The following HDAC4 variants were observed in gnomAD, a reference collection of about 807,000 sequenced individuals.
HDAC4 encodes histone deacetylase 4.
In HDAC4, 16 loss-of-function variants were observed where a neutral mutation model predicts 135.1. The observed-to-expected ratio is 0.12, with a 90% CI of 0.08 to 0.18. The LOEUF is 0.18. HDAC4 is among the 10% of genes least tolerant of loss of function. HDAC4 has a pLI of 1.00. For missense variants in HDAC4, 1,143 were observed against 1,511.8 expected, an observed-to-expected ratio of 0.76 and a Z score of 4.05; for synonymous variants, 685 against 653.4, an observed-to-expected ratio of 1.05 and a Z score of -0.74.
intron 2 of HDAC4, among the ~76,000 whole-genome samples, chr2:239,263,324 C>T (rs1268266081): frequency 2.8e-5 from 4 of 143,504 alleles, no homozygotes; most frequent in Admixed American, 6.8e-5. Context: ...TGAGGACCCC[C>T]GCCCATCCCA....
intron 1 of HDAC4, among the ~76,000 whole-genome samples, chr2:239,385,321 C>A (rs1292782433): frequency 6.6e-6 from 1 of 152,242 alleles, no homozygotes; most frequent in Non-Finnish European, 1.5e-5. Flanking sequence ...CTGCTCTCAG[C>A]AGGAGGAAGC....
chr2:239,172,960 C>T (rs1373021929), intron 5 of HDAC4, among the ~76,000 whole-genome samples: 3 of 151,742 alleles, frequency 2.0e-5, no homozygotes, highest in Admixed American at 6.6e-5. Context: ...TAAAGTGAGC[C>T]GGGGGGGAAA....
intron 3 of HDAC4, among the ~76,000 whole-genome samples, chr2:239,217,220 G>A (rs952433800): frequency 6.6e-6 from 1 of 152,096 alleles, no homozygotes; most frequent in Admixed American, 6.6e-5. Context: ...CGGCAGCATC[G>A]CTCCCGGAAG....
chr2:239,275,257 C>T (rs984333189), intron 2 of HDAC4, among the ~76,000 whole-genome samples: 6 of 152,254 alleles, frequency 3.9e-5, no homozygotes, highest in East Asian at 1.9e-4. Context: ...TGGCAAGCCG[C>T]CCCACGCTGG....
intron 3 of HDAC4, among the ~76,000 whole-genome samples, chr2:239,204,266 C>T (rs144519527): frequency 1.4e-3 from 220 of 152,336 alleles, no homozygotes; most frequent in Non-Finnish European, 2.4e-3. Context: ...GACAGCCGAC[C>T]ACAATGCTGA....
intron 2 of HDAC4, among the ~76,000 whole-genome samples, chr2:239,337,937 A>G (rs1692053147): frequency 6.6e-6 from 1 of 152,154 alleles, no homozygotes; most frequent in Non-Finnish European, 1.5e-5. Flanking sequence ...CGGGGGCAGA[A>G]AGACAAAGAA....
intron 2 of HDAC4, among the ~76,000 whole-genome samples, chr2:239,330,815 A>C (rs1691519464): frequency 6.6e-6 from 1 of 152,240 alleles, no homozygotes; most frequent in Admixed American, 6.5e-5. Flanking sequence ...AATTATACTG[A>C]ATAAAATATA....
At chr2:239,320,739 T>G (rs867171165) in intron 2 of HDAC4, among the ~76,000 whole-genome samples, 1 of 152,212 alleles carries the variant, frequency 6.6e-6, no homozygotes, top group Non-Finnish European at 1.5e-5. Flanking sequence ...CAAGCCATAC[T>G]GAACACATGT....
chr2:239,056,247 T>G (rs2031824620), intron 24 of HDAC4, among the ~76,000 whole-genome samples: 1 of 152,006 alleles, frequency 6.6e-6, no homozygotes, highest in Non-Finnish European at 1.5e-5. Context: ...CGGAAGTGAG[T>G]CAGCACGAGC....
intron 5 of HDAC4, among the ~76,000 whole-genome samples, chr2:239,166,755 C>A (rs1318967069): frequency 1.3e-5 from 2 of 152,126 alleles, no homozygotes; most frequent in Non-Finnish European, 2.9e-5. Flanking sequence ...ACTGCCTCCA[C>A]AACTAGGAAT....
At chr2:239,396,839 G>T (rs1331802678) in intron 1 of HDAC4, among the ~76,000 whole-genome samples, 1 of 152,192 alleles carries the variant, frequency 6.6e-6, no homozygotes, top group Non-Finnish European at 1.5e-5. Flanking sequence ...ATCTTCCAAG[G>T]TAATCAACAG....
rs80104965 is a variant in HDAC4 at position 239,196,326 on chromosome 2, C to T, written c.95-6249G>A. 1.9e-3 allele frequency among the ~76,000 whole-genome samples: 284 copies of T among 152,304 alleles called. 8 individuals are homozygous for T. The East Asian group carries it at 0.04, about 22-fold the overall frequency. On this transcript the variant is annotated intron_variant, in intron 3 of 26. Coordinates refer to ENST00000543185, the MANE Select transcript of HDAC4 (RefSeq NM_001378414.1). ...ATGAAACCAGCACCAGTGCATCCTCCGCTTCAATGAGGCCCAAACGTCACC... is the reference window on the plus strand; with the variant it reads ...ATGAAACCAGCACCAGTGCATCCTCTGCTTCAATGAGGCCCAAACGTCACC...
In HDAC4 at chr2:239,088,064, TTGGCCTTCACGTGACTGCCTC is replaced by T. The variant is rs1365998124; in HGVS notation, c.2389-471_2389-451del. ...CGGGGCAGAGACGTTGTGTCCCAGCTTGGCCTTCACGTGACTGCCTCTGTCCTTACTGCAGTTCAGCTCTCA... is the reference window on the plus strand; with the variant it reads ...CGGGGCAGAGACGTTGTGTCCCAGCTTGTCCTTACTGCAGTTCAGCTCTCA... On this transcript the variant is annotated intron_variant, in intron 18 of 26. Transcript: ENST00000543185. Among the ~76,000 whole-genome samples the T allele has an allele frequency of 4.6e-5, 7 of 152,324 alleles. No individual in the cohort carries two copies. The East Asian group carries it at 1.2e-3, about 25-fold the overall frequency.
intron 15 of HDAC4, among the ~76,000 whole-genome samples, chr2:239,105,919 C>T (rs1236534918): frequency 1.3e-5 from 2 of 152,218 alleles, no homozygotes; most frequent in African/African-American, 4.8e-5. Context: ...ACACTGCTCG[C>T]TCTGAACCTG....
At chr2:239,268,261 G>A (rs925314273) in intron 2 of HDAC4, among the ~76,000 whole-genome samples, 10 of 152,040 alleles carry the variant, frequency 6.6e-5, no homozygotes, top group African/African-American at 2.4e-4. Context: ...TGGTGGCCAG[G>A]ACGGTGGCCC....
intron 2 of HDAC4, among the ~76,000 whole-genome samples, chr2:239,350,915 A>G (rs1230036112): frequency 2.0e-5 from 3 of 152,252 alleles, no homozygotes; most frequent in African/African-American, 7.2e-5. Flanking sequence ...AATTATGATT[A>G]TGTGTACACC....
intron 5 of HDAC4, among the ~76,000 whole-genome samples, chr2:239,168,252 C>T (rs912259549): frequency 6.6e-6 from 1 of 152,182 alleles, no homozygotes; most frequent in Non-Finnish European, 1.5e-5. Flanking sequence ...GCGTGTGGAC[C>T]GCAGTGAGAG....
intron 22 of HDAC4, among the ~76,000 whole-genome samples, chr2:239,080,095 G>GAC (rs138574744): frequency 6.8e-6 from 1 of 147,896 alleles, no homozygotes; most frequent in Non-Finnish European, 1.5e-5. Flanking sequence ...CACCCACACA[G>GAC]ACACACACAC....
chr2:239,251,714 ACAAGG>A (rs747829490), intron 2 of HDAC4, among the ~76,000 whole-genome samples: 3 of 152,164 alleles, frequency 2.0e-5, no homozygotes, highest in Non-Finnish European at 4.4e-5. Context: ...CTCCCACTGC[ACAAGG>A]CTCATTATTC....
Sources: allele counts gnomAD v4.1 joint callset (sites outside exome capture counted in the v4.1 genomes callset), GRCh38; gene constraint gnomAD v4.1.1; transcripts MANE v1.5; gene names NCBI Gene and HGNC (gene_info 2026-07-23, HGNC 2026-07-21).